Variants in MACROD2 observed in about 807,000 individuals in gnomAD.
The protein encoded by MACROD2 is ADP-ribose glycohydrolase MACROD2.
In MACROD2, 36 loss-of-function variants were observed where a neutral mutation model predicts 70.4. The ratio of observed to expected loss-of-function variants is 0.51; its 90% CI spans 0.39 to 0.68. The LOEUF (loss-of-function observed/expected upper bound fraction) is 0.68. Ranked by LOEUF, MACROD2 falls within the 30% of genes least tolerant of loss-of-function variation. The pLI, the probability that MACROD2 is intolerant of heterozygous loss-of-function variation, is 0.00. For synonymous variants in MACROD2, 172 were observed against 178.8 expected, an observed-to-expected ratio of 0.96 and a Z score of 0.30; for missense variants, 496 against 538.4, an observed-to-expected ratio of 0.92 and a Z score of 0.78.
chr20:15,874,029 A>C (rs2064626135), intron 9 of MACROD2, among the ~76,000 whole-genome samples: 1 of 151,680 alleles, frequency 6.6e-6, no homozygotes, highest in Admixed American at 6.6e-5. Context: ...CTTGTCATTT[A>C]CCTTAGGTAT....
intron 5 of MACROD2, among the ~76,000 whole-genome samples, chr20:15,166,184 T>G (rs1568612185): frequency 6.6e-6 from 1 of 152,168 alleles, no homozygotes; most frequent in East Asian, 1.9e-4. Context: ...GTAAATTTCC[T>G]AAAAAATCAC....
At chr20:14,930,263 A>G (rs1488728172) in intron 5 of MACROD2, among the ~76,000 whole-genome samples, 1 of 152,180 alleles carries the variant, frequency 6.6e-6, no homozygotes, top group African/African-American at 2.4e-5. Flanking sequence ...CTTTTTAAAA[A>G]TGTAAATTTA....
At chr20:15,762,180 T>C (rs181254376) in intron 8 of MACROD2, among the ~76,000 whole-genome samples, 14 of 152,302 alleles carry the variant, frequency 9.2e-5, no homozygotes, top group African/African-American at 3.4e-4. Flanking sequence ...ACAAGTGCCA[T>C]AACTTCTTAG....
chr20:14,795,572 A>G (rs1568800406), intron 5 of MACROD2, among the ~76,000 whole-genome samples: 1 of 152,146 alleles, frequency 6.6e-6, no homozygotes, highest in African/African-American at 2.4e-5. Flanking sequence ...CTTATTTTAG[A>G]CACATAGGAT....
intron 3 of MACROD2, among the ~76,000 whole-genome samples, chr20:14,248,409 CG>C (rs2122260346): frequency 6.6e-6 from 1 of 152,194 alleles, no homozygotes; most frequent in African/African-American, 2.4e-5. Context: ...CATAGTGAAA[CG>C]CTGTCTCTAC....
chr20:14,465,883 G>A (rs1393883756), intron 3 of MACROD2, among the ~76,000 whole-genome samples: 1 of 152,118 alleles, frequency 6.6e-6, no homozygotes, highest in Non-Finnish European at 1.5e-5. Context: ...CTGACTTGTA[G>A]AGTTTCTGCT....
At chr20:15,995,875 GTGTA>G (rs2066624839) in intron 15 of MACROD2, among the ~76,000 whole-genome samples, 1 of 150,334 alleles carries the variant, frequency 6.7e-6, no homozygotes. Flanking sequence ...GTGTGTGTGT[GTGTA>G]TGTGTGTGTC....
At chr20:14,387,843 T>C (rs2083485099) in intron 3 of MACROD2, among the ~76,000 whole-genome samples, 1 of 152,226 alleles carries the variant, frequency 6.6e-6, no homozygotes, top group Non-Finnish European at 1.5e-5. Context: ...TGAAATACTA[T>C]AGTTTATTCT....
intron 3 of MACROD2, among the ~76,000 whole-genome samples, chr20:14,422,911 C>T (rs2083891081): frequency 6.6e-6 from 1 of 152,116 alleles, no homozygotes; most frequent in Admixed American, 6.5e-5. Flanking sequence ...TTCATTTGAA[C>T]CTGAAAGACT....
At chr20:15,635,641 C>T (rs2049352316) in intron 8 of MACROD2, among the ~76,000 whole-genome samples, 1 of 152,164 alleles carries the variant, frequency 6.6e-6, no homozygotes, top group African/African-American at 2.4e-5. Flanking sequence ...GGGTACTGTG[C>T]TCACAATTGA....
In MACROD2 at chr20:15,128,503, C is replaced by A. The variant is rs373284045; in HGVS notation, c.419-101437C>A. On this transcript the variant is annotated intron_variant, in intron 5 of 17. Coordinates refer to ENST00000684519, the MANE Select transcript of MACROD2 (RefSeq NM_001351661.2). ...CTTCCCATCACACAAACAATAGAGA[C>A]AACTTTATGAAATATGAGAGAATTG... Among the ~76,000 whole-genome samples, 49 of 152,054 alleles carry A rather than the reference C, an allele frequency of 3.2e-4. No homozygotes were observed. The East Asian group carries it at 3.3e-3, about 10-fold the overall frequency.
chr20:15,626,796 A>G (rs1308019620), intron 8 of MACROD2, among the ~76,000 whole-genome samples: 1 of 152,168 alleles, frequency 6.6e-6, no homozygotes, highest in Non-Finnish European at 1.5e-5. Context: ...TGGAGGTTGC[A>G]GTGAGCTGAG....
chr20:15,166,042 C>T (rs543733010), intron 5 of MACROD2, among the ~76,000 whole-genome samples: 12 of 152,186 alleles, frequency 7.9e-5, no homozygotes, highest in Admixed American at 3.9e-4. Flanking sequence ...TATTTATAAA[C>T]GACGTATCCA....
chr20:15,324,622 T>A (rs572784435), intron 6 of MACROD2, among the ~76,000 whole-genome samples: 3 of 152,302 alleles, frequency 2.0e-5, no homozygotes, highest in Admixed American at 6.5e-5. Context: ...CTCCTTAGCC[T>A]CTAACCTGTG....
chr20:15,234,157 G>C (rs1240641102), intron 6 of MACROD2, among the ~76,000 whole-genome samples: 3 of 138,588 alleles, frequency 2.2e-5, no homozygotes, highest in Admixed American at 7.3e-5. Flanking sequence ...TCAGCCTCCC[G>C]AGTAGCTGGG....
chr20:16,023,602 G>A (rs1287029935), intron 15 of MACROD2, among the ~76,000 whole-genome samples: 1 of 152,042 alleles, frequency 6.6e-6, no homozygotes, highest in African/African-American at 2.4e-5. Flanking sequence ...GTGAGGAGGT[G>A]GGGAAATGAG....
intron 3 of MACROD2, among the ~76,000 whole-genome samples, chr20:14,206,828 A>G (rs1171762939): frequency 2.0e-5 from 3 of 152,020 alleles, no homozygotes; most frequent in Non-Finnish European, 4.4e-5. Context: ...CATTATATCA[A>G]TTTTACCAAG....
chr20:14,656,473 A>G (rs891263397), intron 4 of MACROD2, among the ~76,000 whole-genome samples: 2 of 152,242 alleles, frequency 1.3e-5, no homozygotes, highest in Admixed American at 6.5e-5. Context: ...ACTGGCAACA[A>G]TGGATGTATC....
intron 4 of MACROD2, among the ~76,000 whole-genome samples, chr20:14,635,049 TGGA>T (rs1984715465): frequency 6.6e-6 from 1 of 152,144 alleles, no homozygotes; most frequent in Non-Finnish European, 1.5e-5. Context: ...AATGAGGATA[TGGA>T]GGTGAAGGTG....
Sources: gnomAD v4.1 joint callset for allele counts (sites outside exome capture counted in the v4.1 genomes callset) on GRCh38, gnomAD v4.1.1 for gene constraint, MANE v1.5 for transcripts, NCBI Gene and HGNC (gene_info 2026-07-23, HGNC 2026-07-21) for gene names.